The following ALK variants were observed in gnomAD, a reference collection of about 807,000 sequenced individuals.
ALK encodes ALK receptor tyrosine kinase, also known as ALK tyrosine kinase receptor.
Under a neutral mutation model 163.1 loss-of-function variants are expected in ALK, and 74 were observed. The observed-to-expected ratio is 0.45, with a 90% CI of 0.38 to 0.55. The LOEUF is 0.55. ALK is among the 20% of genes least tolerant of loss of function. The pLI, the probability that ALK is intolerant of heterozygous loss-of-function variation, is 0.00. For synonymous variants in ALK, 960 were observed against 843.2 expected (o/e 1.14, Z -2.40); for missense variants, 2,063 against 2,105.3 (o/e 0.98, Z 0.39).
chr2:29,524,967 T>C (rs923283912), intron 4 of ALK, among the ~76,000 whole-genome samples: 6 of 152,112 alleles, frequency 3.9e-5, no homozygotes, highest in Middle Eastern at 3.2e-3. Context: ...GATGAATGGA[T>C]GGATGGATGG....
intron 9 of ALK, among the ~76,000 whole-genome samples, chr2:29,281,310 T>C (rs1665712937): frequency 6.6e-6 from 1 of 151,672 alleles, no homozygotes; most frequent in Non-Finnish European, 1.5e-5. Flanking sequence ...GAGGCTGGGT[T>C]CCCCAGGATA....
chr2:29,858,594 T>G, intron 1 of ALK, among the ~76,000 whole-genome samples: 1 of 149,064 alleles, frequency 6.7e-6, no homozygotes, highest in Non-Finnish European at 1.5e-5. Flanking sequence ...AAAAAAAAAA[T>G]TAGCCGCTCG....
At chr2:29,422,767 G>C (rs1384575978) in intron 4 of ALK, among the ~76,000 whole-genome samples, 2 of 152,096 alleles carry the variant, frequency 1.3e-5, no homozygotes, top group African/African-American at 2.4e-5. Context: ...CATGGCCTAG[G>C]GTTATTGTTC....
intron 4 of ALK, among the ~76,000 whole-genome samples, chr2:29,439,636 G>A (rs1020807751): frequency 6.6e-6 from 1 of 151,248 alleles, no homozygotes; most frequent in Non-Finnish European, 1.5e-5. Flanking sequence ...TCAAATTAAG[G>A]TGAGGTCATT....
intron 2 of ALK, among the ~76,000 whole-genome samples, chr2:29,706,411 A>G (rs891771979): frequency 1.3e-5 from 2 of 152,148 alleles, no homozygotes; most frequent in African/African-American, 4.8e-5. Context: ...TAAGTATCCA[A>G]CCTGGCCCCT....
intron 1 of ALK, among the ~76,000 whole-genome samples, chr2:29,853,379 G>T (rs1666054820): frequency 6.6e-6 from 1 of 152,050 alleles, no homozygotes; most frequent in African/African-American, 2.4e-5. Context: ...CAAAATCCAG[G>T]CTTTGCATCC....
Position 29,377,422 on chromosome 2 carries a change from C to T in ALK, c.1282+6310G>A, listed in dbSNP as rs112457040. Reference sequence around the variant, plus strand: ...CCCAGGAGGTGGAGGTTGCAGTGAGCTGAGATGGCGCCACTGTACTCCAGC... The same window carrying T: ...CCCAGGAGGTGGAGGTTGCAGTGAGTTGAGATGGCGCCACTGTACTCCAGC... On this transcript the variant is annotated intron_variant, in intron 5 of 28. Coordinates refer to ENST00000389048, the MANE Select transcript of ALK (RefSeq NM_004304.5). Among the ~76,000 whole-genome samples the T allele has an allele frequency of 4.9e-3, 704 of 144,780 alleles. 5 individuals carry two copies. Among genetic ancestry groups the T allele is most frequent in the African/African-American group, 0.017 (662 of 39,210 alleles). The allele number at this position is 144,780 out of a possible 152,430, so 95.0% of individuals were successfully genotyped here.
intron 1 of ALK, among the ~76,000 whole-genome samples, chr2:29,908,406 T>A (rs1185130350): frequency 5.3e-5 from 8 of 152,210 alleles, no homozygotes; most frequent in Admixed American, 2.0e-4. Flanking sequence ...GGCATTATTT[T>A]GGCTCTTGCC....
chr2:29,581,137 C>A (rs933393918), intron 3 of ALK, among the ~76,000 whole-genome samples: 8 of 152,206 alleles, frequency 5.3e-5, no homozygotes, highest in African/African-American at 1.9e-4. Context: ...TGCCTATAAT[C>A]CCAGCACTTT....
At chr2:29,220,969 C>A (rs2148167069) in intron 22 of ALK, 134 bp from the exon 23 acceptor site, 4 of 1,293,340 alleles carry the variant, frequency 3.1e-6, no homozygotes, top group Non-Finnish European at 4.4e-6. Flanking sequence ...ACATGGGCAG[C>A]AGGGGTCCCG....
intron 4 of ALK, among the ~76,000 whole-genome samples, chr2:29,430,683 C>T (rs1467095305): frequency 2.0e-5 from 3 of 152,198 alleles, no homozygotes; most frequent in Non-Finnish European, 2.9e-5. Context: ...AATCTATGGG[C>T]ATACCCAGAC....
intron 1 of ALK, among the ~76,000 whole-genome samples, chr2:29,831,061 G>A (rs1195781508): frequency 8.9e-5 from 2 of 22,502 alleles, no homozygotes; most frequent in Admixed American, 8.8e-4. Context: ...GAAGAGGAAG[G>A]GGAGGAAGGG....
chr2:29,676,571 TA>T (rs1198995029), intron 3 of ALK, among the ~76,000 whole-genome samples: 6 of 152,040 alleles, frequency 3.9e-5, no homozygotes, highest in Non-Finnish European at 8.8e-5. Context: ...GGCTTTATAG[TA>T]AGTTTTGAAA....
In ALK at chr2:29,687,056, G is replaced by C. The variant is rs184573278; in HGVS notation, c.952+7794C>G. 2.8e-4 allele frequency among the ~76,000 whole-genome samples: 43 copies of C among 152,072 alleles called. No individual in the cohort carries two copies. The East Asian group carries it at 8.1e-3, about 29-fold the overall frequency. On this transcript the variant is annotated intron_variant, in intron 3 of 28. Coordinates refer to ENST00000389048, the MANE Select transcript of ALK (RefSeq NM_004304.5). ...TTCCAAAAGACGGGCAGAGATAGAA[G>C]GCCACACATCCACCCAGTGACCTTA...
chr2:29,493,406 G>C (rs113113772), intron 4 of ALK, among the ~76,000 whole-genome samples: 3,727 of 152,220 alleles, frequency 0.024, 64 homozygotes, highest in Middle Eastern at 0.071. Flanking sequence ...GTCACGTATC[G>C]TGTTTTCTCC....
intron 28 of ALK, 23 bp downstream of exon 28, chr2:29,196,747 A>C (rs1231112635): frequency 1.3e-6 from 2 of 1,572,174 alleles, no homozygotes; most frequent in South Asian, 2.2e-5. Context: ...GTAAATGTTG[A>C]CCAAAGGGAG....
At chr2:29,328,001 G>A (rs1368084412) in intron 6 of ALK, among the ~76,000 whole-genome samples, 3 of 152,174 alleles carry the variant, frequency 2.0e-5, no homozygotes, top group African/African-American at 7.2e-5. Flanking sequence ...AGGGGCAGGT[G>A]GGGAATGGGA....
intron 1 of ALK, among the ~76,000 whole-genome samples, chr2:29,882,712 C>A (rs1666896903): frequency 6.6e-6 from 1 of 152,112 alleles, no homozygotes; most frequent in African/African-American, 2.4e-5. Flanking sequence ...TAGATAATAC[C>A]AAGGAGGCAT....
At chr2:29,741,442 C>G (rs921190397) in intron 1 of ALK, among the ~76,000 whole-genome samples, 4 of 152,172 alleles carry the variant, frequency 2.6e-5, no homozygotes, top group African/African-American at 9.7e-5. Flanking sequence ...AATGTTGGTA[C>G]CTTCCACTTA....
Sources: allele counts gnomAD v4.1 joint callset (sites outside exome capture counted in the v4.1 genomes callset), GRCh38; gene constraint gnomAD v4.1.1; transcripts MANE v1.5; gene names NCBI Gene and HGNC (gene_info 2026-07-23, HGNC 2026-07-21).